Variants in TTK observed in about 807,000 individuals in gnomAD.
The protein encoded by TTK is dual specificity protein kinase TTK.
In TTK, 59 loss-of-function variants were observed where a neutral mutation model predicts 117.3. The ratio of observed to expected loss-of-function variants is 0.50; its 90% CI spans 0.41 to 0.62. TTK has a LOEUF of 0.62. TTK is among the 20% of genes least tolerant of loss of function. TTK has a pLI of 0.00. For missense variants in TTK, 921 were observed against 989.4 expected (o/e 0.93, Z 0.93); for synonymous variants, 302 against 325.0 (o/e 0.93, Z 0.76).
Position 80,008,007 on chromosome 6 carries a change from A to G in TTK, c.338A>G (p.Gln113Arg). 6.2e-7 allele frequency: 1 copy of G among 1,613,462 alleles called. No individual in the cohort carries two copies. Among genetic ancestry groups the G allele is most frequent in the Non-Finnish European group, 8.5e-7 (1 of 1,179,564 alleles). Residue 113 changes from glutamine (Q) to arginine (R), a missense_variant, in exon 3 of 22, where the codon CAA becomes CGA. By Grantham distance (43) the Gln-to-Arg change is conservative (BLOSUM62 1). Coordinates refer to ENST00000369798, the MANE Select transcript of TTK (RefSeq NM_003318.5). The stretch of plus-strand genomic sequence containing the variant: ...CAAAATGAGAGTTTTGCTAGAATTC[A>G]AGTGAGATTTGCTGAATTAAAAGCG... ...YGQNESFARI[Q>R]VRFAELKAIQ...
At chr6:80,031,356 CTAAT>C (rs1767755288) in intron 13 of TTK, 107 bp from the exon 14 acceptor site, 1 of 506,734 alleles carries the variant, frequency 2.0e-6, no homozygotes, top group Admixed American at 4.3e-5. Flanking sequence ...TGTAACATTT[CTAAT>C]TAAGATTTAA....
chr6:80,028,346 CT>C (rs1562020851), intron 13 of TTK, among the ~76,000 whole-genome samples: 3 of 151,570 alleles, frequency 2.0e-5, no homozygotes, highest in Non-Finnish European at 4.4e-5. Context: ...GAGACAGAGT[CT>C]CGCTCTATTG....
intron 18 of TTK, among the ~76,000 whole-genome samples, 196 bp from the exon 19 acceptor site, chr6:80,039,500 G>A (rs1209451866): frequency 6.6e-6 from 1 of 151,776 alleles, no homozygotes; most frequent in African/African-American, 2.4e-5. Context: ...AAGATTTAAA[G>A]TAAAGCTCAT....
chr6:80,013,229 T>A (rs780391969), intron 8 of TTK, 50 bp from the exon 9 acceptor site: 22 of 1,352,694 alleles, frequency 1.6e-5, no homozygotes, highest in East Asian at 7.8e-5. Context: ...ACATTGAAAA[T>A]TTTTTTTTTC....
chr6:80,010,995 T>C (rs779662719), intron 5 of TTK, 38 bp downstream of exon 5: 2 of 1,560,480 alleles, frequency 1.3e-6, no homozygotes, highest in East Asian at 2.3e-5. Context: ...CTGTGGTAGG[T>C]AGTACTTCAA....
intron 2 of TTK, 126 bp downstream of exon 2, chr6:80,006,108 G>A (rs1260755324): frequency 1.5e-6 from 2 of 1,323,126 alleles, no homozygotes; most frequent in Non-Finnish European, 2.1e-6. Flanking sequence ...CCATTAGAAT[G>A]CAGGCTACAT....
chr6:80,008,417 T>C lies in TTK; in HGVS notation c.394T>C (p.Phe132Leu). The change falls in exon 4 of 22, where the codon TTT (phenylalanine) becomes CTT (leucine). Residue 132 changes from phenylalanine (F) to leucine (L), a missense_variant. Transcript: ENST00000369798. ...IQEPDDARDY[F>L]QMARANCKKF... is the part of the protein sequence containing the mutation. Reference sequence around the variant, plus strand: ...AGAGCCAGATGATGCACGTGACTACTTTCAAATGGCCAGAGCAAACTGCAA... The same window carrying C: ...AGAGCCAGATGATGCACGTGACTACCTTCAAATGGCCAGAGCAAACTGCAA... The C allele has an allele frequency of 6.2e-7, 1 of 1,612,336 alleles. No homozygotes were observed. Among genetic ancestry groups the C allele is most frequent in the Non-Finnish European group, 8.5e-7 (1 of 1,179,146 alleles).
At chr6:80,041,408 T>C (rs918345535) in intron 21 of TTK, among the ~76,000 whole-genome samples, 1 of 151,782 alleles carries the variant, frequency 6.6e-6, no homozygotes, top group African/African-American at 2.4e-5. Flanking sequence ...TGCATTTATA[T>C]GATATGAGGT....
intron 6 of TTK, 38 bp from the exon 7 acceptor site, chr6:80,011,691 G>T (rs1347421695): frequency 6.2e-7 from 1 of 1,603,426 alleles, no homozygotes; most frequent in Non-Finnish European, 8.5e-7. Context: ...TATTAATATT[G>T]TTCTTTGAAA....
rs1188297966 is a variant in TTK, at chr6:80,042,206, G to A, written c.*4G>A. 9 of 1,586,834 alleles carry A rather than the reference G, an allele frequency of 5.7e-6. No homozygotes were observed. Among genetic ancestry groups the A allele is most frequent in the East Asian group, 2.3e-5 (1 of 44,428 alleles). Reference sequence around the variant, plus strand: ...AAAAAAAAGGGGAAAAAAATGATTTGCAGTTATTCGTAATGTCAGATACCA... The same window carrying A: ...AAAAAAAAGGGGAAAAAAATGATTTACAGTTATTCGTAATGTCAGATACCA... On this transcript the variant is annotated 3_prime_UTR_variant, in exon 22 of 22. Transcript: ENST00000369798.
intron 11 of TTK, among the ~76,000 whole-genome samples, chr6:80,024,915 A>T (rs1342865507): frequency 6.6e-6 from 1 of 151,766 alleles, no homozygotes; most frequent in African/African-American, 2.4e-5. Context: ...GATACTTCTG[A>T]CTTACTCTCA....
At chr6:80,011,653 T>A in intron 6 of TTK, 76 bp from the exon 7 acceptor site, 3 of 1,563,438 alleles carry the variant, frequency 1.9e-6, no homozygotes, top group Non-Finnish European at 2.6e-6. Flanking sequence ...ATGTGTGTGA[T>A]AATGTTTAGC....
intron 4 of TTK, among the ~76,000 whole-genome samples, chr6:80,010,262 C>A (rs1219213045): frequency 6.6e-6 from 1 of 152,020 alleles, no homozygotes; most frequent in East Asian, 1.9e-4. Flanking sequence ...CTTTTTCAGG[C>A]TGGTATAGCT....
intron 10 of TTK, among the ~76,000 whole-genome samples, chr6:80,020,714 G>C (rs1767435931): frequency 6.6e-6 from 1 of 152,176 alleles, no homozygotes; most frequent in African/African-American, 2.4e-5. Flanking sequence ...AAATATTCTG[G>C]AGTCCAAAAG....
intron 17 of TTK, among the ~76,000 whole-genome samples, chr6:80,037,330 A>T (rs1767931023): frequency 6.6e-6 from 1 of 152,040 alleles, no homozygotes; most frequent in Non-Finnish European, 1.5e-5. Flanking sequence ...ATGAGTTGTA[A>T]ATCAGCTTGA....
chr6:80,042,013 A>G, intron 21 of TTK, 106 bp from the exon 22 acceptor site: 1 of 549,538 alleles, frequency 1.8e-6, no homozygotes, highest in Non-Finnish European at 3.0e-6. Context: ...TAAGAACAAG[A>G]GAGAAATAAA....
chr6:80,012,695 T>C (rs1767193088), intron 8 of TTK, among the ~76,000 whole-genome samples: 1 of 152,094 alleles, frequency 6.6e-6, no homozygotes, highest in Non-Finnish European at 1.5e-5. Context: ...ACATTTCTAT[T>C]ATATTTAGAC....
intron 10 of TTK, among the ~76,000 whole-genome samples, chr6:80,021,571 A>G (rs906147578): frequency 2.0e-5 from 3 of 152,226 alleles, no homozygotes; most frequent in African/African-American, 7.2e-5. Flanking sequence ...TCATGCCCTC[A>G]AAAGACCATT....
intron 4 of TTK, 59 bp from the exon 5 acceptor site, chr6:80,010,755 T>G: frequency 8.2e-7 from 1 of 1,223,272 alleles, no homozygotes; most frequent in Non-Finnish European, 1.1e-6. Context: ...CGTATCTGGG[T>G]GGTCTGGGTG....
Sources: gnomAD v4.1 joint callset for allele counts (sites outside exome capture counted in the v4.1 genomes callset) on GRCh38, gnomAD v4.1.1 for gene constraint, MANE v1.5 for transcripts, NCBI Gene and HGNC (gene_info 2026-07-23, HGNC 2026-07-21) for gene names.